Variants in PKD2L2 observed in about 807,000 individuals in gnomAD.
PKD2L2 encodes polycystin 2 like 2, transient receptor potential cation channel, also known as polycystin-2-like protein 2.
A neutral mutation model predicts 83.9 loss-of-function variants in PKD2L2; 67 were observed. The observed-to-expected ratio is 0.80, with a 90% confidence interval of 0.66 to 0.98. The LOEUF (loss-of-function observed/expected upper bound fraction) is 0.98, where lower values mean the gene tolerates loss of function less well. Among genes scored for constraint, PKD2L2 ranks in the 50% least tolerant of loss-of-function variants. The pLI is 0.00. For synonymous variants in PKD2L2, 223 were observed against 237.8 expected, an observed-to-expected ratio of 0.94 and a Z score of 0.57; for missense variants, 632 against 717.2, an observed-to-expected ratio of 0.88 and a Z score of 1.36.
At chr5:137,941,074 T>A (rs1761625475) in intron 14 of PKD2L2, among the ~76,000 whole-genome samples, 1 of 151,928 alleles carries the variant, frequency 6.6e-6, no homozygotes, top group South Asian at 2.1e-4. Flanking sequence ...CCTGCCTAAT[T>A]TTTTTTGTAT....
chr5:137,907,342 A>G (rs965676103), intron 6 of PKD2L2, among the ~76,000 whole-genome samples: 5 of 152,230 alleles, frequency 3.3e-5, no homozygotes, highest in Non-Finnish European at 4.4e-5. Flanking sequence ...GGTTGTTAAA[A>G]GGTTCCAGAA....
chr5:137,904,191 T>A (rs552689940), intron 5 of PKD2L2, among the ~76,000 whole-genome samples: 128 of 152,308 alleles, frequency 8.4e-4, no homozygotes, highest in African/African-American at 3.0e-3. Context: ...TTAAATTCAA[T>A]ATATAGTTGA....
chr5:137,922,558 C>G (rs1438251138), intron 9 of PKD2L2, among the ~76,000 whole-genome samples: 1 of 151,832 alleles, frequency 6.6e-6, no homozygotes, highest in South Asian at 2.1e-4. Flanking sequence ...GGCAACATGA[C>G]GAAATGCTGT....
chr5:137,914,078 A>G (rs1758107733), intron 8 of PKD2L2, among the ~76,000 whole-genome samples: 1 of 111,038 alleles, frequency 9.0e-6, no homozygotes, highest in Non-Finnish European at 1.7e-5. Flanking sequence ...TTTGATAGAG[A>G]CAAGGTTTCG....
intron 2 of PKD2L2, among the ~76,000 whole-genome samples, chr5:137,891,702 T>G (rs1026535700): frequency 6.6e-6 from 1 of 152,084 alleles, no homozygotes; most frequent in African/African-American, 2.4e-5. Flanking sequence ...TTTTTCTTTT[T>G]TTTTTCTTTT....
chr5:137,895,327 G>A (rs933355249), intron 4 of PKD2L2, among the ~76,000 whole-genome samples: 5 of 151,870 alleles, frequency 3.3e-5, no homozygotes, highest in Non-Finnish European at 7.4e-5. Flanking sequence ...AATTAGCCAG[G>A]TGTGGTGGGG....
chr5:137,941,873 A>G, intron 14 of PKD2L2: 2 of 1,277,504 alleles, frequency 1.6e-6, no homozygotes, highest in Non-Finnish European at 2.2e-6. Context: ...CACGTATTCC[A>G]TTATTTCAAC....
intron 5 of PKD2L2, among the ~76,000 whole-genome samples, chr5:137,901,314 C>G (rs1756936965): frequency 6.6e-6 from 1 of 151,958 alleles, no homozygotes; most frequent in Admixed American, 6.6e-5. Context: ...AAGCAAGTGG[C>G]AGCAGACAAT....
chr5:137,890,446 T>C (rs1166322548), intron 1 of PKD2L2, 35 bp from the exon 2 acceptor site: 1 of 1,133,892 alleles, frequency 8.8e-7, no homozygotes, highest in Non-Finnish European at 1.3e-6. Flanking sequence ...AATTACATAA[T>C]AATGTAAAGA....
At chr5:137,900,140 A>G (rs141986078) in intron 5 of PKD2L2, among the ~76,000 whole-genome samples, 70 of 152,364 alleles carry the variant, frequency 4.6e-4, no homozygotes, top group African/African-American at 1.7e-3. Context: ...ATGTAGTACT[A>G]TATCATAACT....
At chr5:137,933,367 CATCT>C (rs897320018) in intron 12 of PKD2L2, among the ~76,000 whole-genome samples, 1 of 152,178 alleles carries the variant, frequency 6.6e-6, no homozygotes, top group African/African-American at 2.4e-5. Context: ...TAATTGTATC[CATCT>C]GTGGATATTA....
rs201071340 is a variant in PKD2L2 at position 137,925,104 on chromosome 5, C to T, written c.1616C>T (p.Thr539Ile). Reference sequence around the variant, plus strand: ...GCTCAAAAAGATGAAGACAAGAAAACGTAAGATGACTTCTCTCAAATGTTT... The same window carrying T: ...GCTCAAAAAGATGAAGACAAGAAAATGTAAGATGACTTCTCTCAAATGTTT... ...KKAQKDEDKK[T>I]KGSGDLAEQA... Residue 539 changes from threonine to isoleucine, a missense_variant and splice_region_variant, in exon 11 of 15, where the codon ACC becomes ATC. By Grantham distance (89) the Thr-to-Ile change is moderately conservative. Around this residue, in one of 3 missense-constraint regions of PKD2L2, gnomAD observed 399 missense variants for 416.9 expected, o/e 0.96. Coordinates refer to ENST00000508883, the MANE Select transcript of PKD2L2 (RefSeq NM_001300921.2). The T allele has an allele frequency of 7.8e-5, 123 of 1,567,642 alleles. No homozygotes were observed. The highest frequency in any genetic ancestry group is 1.2e-4 in the Admixed American group (7 of 59,756).
At chr5:137,939,908 G>A (rs1761138570) in intron 14 of PKD2L2, 1 of 1,325,192 alleles carries the variant, frequency 7.5e-7, no homozygotes, top group Non-Finnish European at 9.6e-7. Context: ...CATTTCCAAA[G>A]TTCTTGAAGT....
chr5:137,902,010 A>T (rs1221680433), intron 5 of PKD2L2, among the ~76,000 whole-genome samples: 1 of 152,182 alleles, frequency 6.6e-6, no homozygotes. Flanking sequence ...AAAAAAAAAA[A>T]AGTGGGAGGG....
At chr5:137,921,606 T>A in intron 8 of PKD2L2, 30 bp from the exon 9 acceptor site, 1 of 1,417,108 alleles carries the variant, frequency 7.1e-7, no homozygotes. Flanking sequence ...CATAAAGGTA[T>A]ATATTTTCTA....
intron 9 of PKD2L2, among the ~76,000 whole-genome samples, chr5:137,922,372 TTAG>T (rs1273992170): frequency 2.0e-5 from 3 of 152,124 alleles, no homozygotes; most frequent in African/African-American, 7.2e-5. Context: ...TATCTGGACA[TTAG>T]TAGTTGCAGG....
intron 8 of PKD2L2, among the ~76,000 whole-genome samples, chr5:137,914,861 T>C (rs1251016533): frequency 6.6e-6 from 1 of 152,210 alleles, no homozygotes; most frequent in Non-Finnish European, 1.5e-5. Context: ...ATCAAAATTT[T>C]TTCTGCCTCT....
chr5:137,912,801 C>CTTTTT lies in PKD2L2; in HGVS notation c.1328+3858_1328+3859insTTTTT, dbSNP rs71583287. Among the ~76,000 whole-genome samples, 282 of 99,752 alleles carry CTTTTT rather than the reference C, an allele frequency of 2.8e-3. 14 individuals are homozygous for CTTTTT. Among genetic ancestry groups the CTTTTT allele is most frequent in the East Asian group, 4.3e-3 (14 of 3,248 alleles). 65.4% of individuals were successfully genotyped at this position (99,752 alleles called of 152,430 possible). ...TTAAATTGGATTATTTGTTTTCTTT[C>CTTTTT]TTTCTTTTTTTTTTTTTTTTGAGAT... On this transcript the variant is annotated intron_variant, in intron 8 of 14. Coordinates refer to ENST00000508883, the MANE Select transcript of PKD2L2 (RefSeq NM_001300921.2).
intron 8 of PKD2L2, among the ~76,000 whole-genome samples, chr5:137,912,079 C>A (rs6883280): frequency 0.74 from 112,500 of 152,102 alleles, 42,259 homozygotes; most frequent in East Asian, 0.97. Context: ...GGTTGATTCC[C>A]TATCTCAGCT....
Sources: gnomAD v4.1 joint callset for allele counts (sites outside exome capture counted in the v4.1 genomes callset) on GRCh38, gnomAD v4.1.1 for gene constraint, gnomAD v4.1.1 regional missense constraint, MANE v1.5 for transcripts, NCBI Gene and HGNC (gene_info 2026-07-23, HGNC 2026-07-21) for gene names.